Variants in ZCCHC7 observed in about 807,000 individuals in gnomAD.
ZCCHC7 encodes the protein zinc finger CCHC domain-containing protein 7.
ZCCHC7 carries 35 observed loss-of-function variants against 52.0 expected under a neutral mutation model. That is an observed-to-expected ratio of 0.67 (90% CI 0.51 to 0.89). The LOEUF is 0.89. ZCCHC7 is among the 40% of genes least tolerant of loss of function. ZCCHC7 has a pLI of 0.00. For synonymous variants in ZCCHC7, 217 were observed against 221.5 expected, an observed-to-expected ratio of 0.98 and a Z score of 0.18; for missense variants, 574 against 649.1, an observed-to-expected ratio of 0.88 and a Z score of 1.26.
At chr9:37,208,283 C>G (rs1307960555) in intron 2 of ZCCHC7, among the ~76,000 whole-genome samples, 1 of 152,138 alleles carries the variant, frequency 6.6e-6, no homozygotes, top group African/African-American at 2.4e-5. Flanking sequence ...TGGGGTTTCA[C>G]CATTGTTGCC....
At chr9:37,172,507 A>G (rs1187526489) in intron 2 of ZCCHC7, among the ~76,000 whole-genome samples, 2 of 152,206 alleles carry the variant, frequency 1.3e-5, no homozygotes, top group Admixed American at 6.5e-5. Flanking sequence ...TTATTTTTAA[A>G]GGCATTTCTT....
intron 2 of ZCCHC7, among the ~76,000 whole-genome samples, chr9:37,182,521 C>T (rs1046807166): frequency 1.3e-5 from 2 of 151,970 alleles, no homozygotes; most frequent in Admixed American, 6.6e-5. Flanking sequence ...CACGCCACCA[C>T]GGCTGGCTAA....
intron 2 of ZCCHC7, among the ~76,000 whole-genome samples, chr9:37,135,921 A>G (rs1842978702): frequency 6.6e-6 from 1 of 152,216 alleles, no homozygotes; most frequent in Non-Finnish European, 1.5e-5. Flanking sequence ...CCTGGCATTC[A>G]TTAGGCACTC....
chr9:37,207,880 AT>A (rs1400472410), intron 2 of ZCCHC7, among the ~76,000 whole-genome samples: 1 of 151,920 alleles, frequency 6.6e-6, no homozygotes, highest in African/African-American at 2.4e-5. Context: ...TTTTTTTCAA[AT>A]TAATAAGTTT....
intron 5 of ZCCHC7, among the ~76,000 whole-genome samples, chr9:37,310,303 A>G (rs1313823079): frequency 6.6e-6 from 1 of 152,174 alleles, no homozygotes; most frequent in African/African-American, 2.4e-5. Flanking sequence ...ACTTGCCAAC[A>G]ATTTTTAAAT....
intron 6 of ZCCHC7, among the ~76,000 whole-genome samples, chr9:37,338,358 T>A (rs2118429055): frequency 6.6e-6 from 1 of 152,312 alleles, no homozygotes; most frequent in South Asian, 2.1e-4. Context: ...TTTATATCTA[T>A]TTACATTACT....
chr9:37,190,128 G>A (rs1822941428), intron 2 of ZCCHC7, among the ~76,000 whole-genome samples: 1 of 152,124 alleles, frequency 6.6e-6, no homozygotes, highest in Admixed American at 6.5e-5. Context: ...CAAGAAGACA[G>A]AGAAAAAAAT....
chr9:37,158,433 G>T lies in ZCCHC7; in HGVS notation c.610+31491G>T, dbSNP rs146610829. On this transcript the variant is annotated intron_variant, in intron 2 of 8. Coordinates refer to ENST00000336755, the MANE Select transcript of ZCCHC7 (RefSeq NM_032226.3). ...GGAGGAAAAGCAAAAGTCAAAAATG[G>T]ATTTTGATTATGGGTAGTGATCAAG... Among the ~76,000 whole-genome samples, 3 of 152,292 alleles carry T rather than the reference G, an allele frequency of 2.0e-5. No homozygotes were observed. The East Asian group carries it at 5.8e-4, about 29-fold the overall frequency.
chr9:37,122,127 G>C (rs1842343566), intron 1 of ZCCHC7, among the ~76,000 whole-genome samples: 1 of 152,208 alleles, frequency 6.6e-6, no homozygotes, highest in South Asian at 2.1e-4. Flanking sequence ...ATCTAGGGAG[G>C]CTAAAGATAT....
chr9:37,121,637 G>T (rs1430793935), intron 1 of ZCCHC7: 1 of 152,162 alleles, frequency 6.6e-6, no homozygotes, highest in Non-Finnish European at 1.5e-5. Context: ...AGGAAGGATC[G>T]CAAGTGAGGA....
At chr9:37,259,079 C>CA (rs964697153) in intron 2 of ZCCHC7, among the ~76,000 whole-genome samples, 1 of 151,646 alleles carries the variant, frequency 6.6e-6, no homozygotes, top group South Asian at 2.1e-4. Context: ...AAAAACAAAA[C>CA]AAAAAAAACT....
chr9:37,144,794 T>C (rs1843366708), intron 2 of ZCCHC7: 1 of 151,982 alleles, frequency 6.6e-6, no homozygotes, highest in Non-Finnish European at 1.5e-5. Flanking sequence ...TATATTACAG[T>C]GTATATGACC....
chr9:37,155,895 T>C (rs1046265044), intron 2 of ZCCHC7, among the ~76,000 whole-genome samples: 2 of 152,232 alleles, frequency 1.3e-5, no homozygotes, highest in African/African-American at 4.8e-5. Flanking sequence ...AGTGTTTTTC[T>C]TGTTAAGCAC....
At chr9:37,230,217 A>G (rs988463811) in intron 2 of ZCCHC7, among the ~76,000 whole-genome samples, 6 of 152,266 alleles carry the variant, frequency 3.9e-5, no homozygotes, top group African/African-American at 1.4e-4. Flanking sequence ...TAAATAAACC[A>G]GAAACAGTCG....
At chr9:37,331,704 A>G (rs764591519) in intron 6 of ZCCHC7, among the ~76,000 whole-genome samples, 5 of 151,686 alleles carry the variant, frequency 3.3e-5, no homozygotes, top group East Asian at 3.8e-4. Context: ...AAGAGATTCA[A>G]AAAGTCAGCC....
intron 2 of ZCCHC7, among the ~76,000 whole-genome samples, chr9:37,133,032 G>A (rs932294708): frequency 1.3e-5 from 2 of 152,196 alleles, no homozygotes; most frequent in African/African-American, 4.8e-5. Context: ...AGCCTCAGAG[G>A]CTGAGGCAGG....
At chr9:37,307,176 T>G (rs566351868) in intron 5 of ZCCHC7, among the ~76,000 whole-genome samples, 1 of 152,270 alleles carries the variant, frequency 6.6e-6, no homozygotes, top group South Asian at 2.1e-4. Flanking sequence ...ATATTAAAAA[T>G]GCTGTTTTGG....
intron 2 of ZCCHC7, among the ~76,000 whole-genome samples, chr9:37,161,040 C>T (rs1265686963): frequency 6.6e-6 from 1 of 151,638 alleles, no homozygotes; most frequent in Non-Finnish European, 1.5e-5. Flanking sequence ...CTCTCCACCT[C>T]CTGGGTTCAA....
chr9:37,208,891 T>C (rs1187578958), intron 2 of ZCCHC7, among the ~76,000 whole-genome samples: 1 of 152,218 alleles, frequency 6.6e-6, no homozygotes, highest in African/African-American at 2.4e-5. Context: ...ATATATGATA[T>C]GGTTCTTTAT....
Sources: allele counts gnomAD v4.1 joint callset (sites outside exome capture counted in the v4.1 genomes callset), GRCh38; gene constraint gnomAD v4.1.1; transcripts MANE v1.5; gene names NCBI Gene and HGNC (gene_info 2026-07-23, HGNC 2026-07-21).